The following WDR7 variants were observed in gnomAD, a reference collection of about 807,000 sequenced individuals.
WDR7 encodes the protein WD repeat-containing protein 7.
WDR7 carries 46 observed loss-of-function variants against 169.4 expected under a neutral mutation model. The observed-to-expected ratio is 0.27, with a 90% confidence interval of 0.21 to 0.35. The LOEUF is 0.35. WDR7 is among the 10% of genes least tolerant of loss of function. The pLI is 1.00. For missense variants in WDR7, 1,534 were observed against 1,859.3 expected, an observed-to-expected ratio of 0.83 and a Z score of 3.22; for synonymous variants, 612 against 666.8, an observed-to-expected ratio of 0.92 and a Z score of 1.27.
At chr18:56,977,956 T>A (rs987489972) in intron 26 of WDR7, among the ~76,000 whole-genome samples, 1 of 152,190 alleles carries the variant, frequency 6.6e-6, no homozygotes, top group African/African-American at 2.4e-5. Flanking sequence ...TAGTTGTAAA[T>A]CTACAAGGAC....
chr18:56,858,005 A>G (rs2045748778), intron 20 of WDR7, among the ~76,000 whole-genome samples: 1 of 151,938 alleles, frequency 6.6e-6, no homozygotes, highest in South Asian at 2.1e-4. Context: ...TGTTACACTC[A>G]TCATTACCTA....
intron 14 of WDR7, among the ~76,000 whole-genome samples, chr18:56,748,626 CTAGTT>C (rs1322796680): frequency 6.6e-6 from 1 of 152,030 alleles, no homozygotes; most frequent in African/African-American, 2.4e-5. Context: ...TCAAATGTCT[CTAGTT>C]TATGCTTATT....
At chr18:56,743,482 CAA>C (rs1475989008) in intron 14 of WDR7, among the ~76,000 whole-genome samples, 3 of 152,082 alleles carry the variant, frequency 2.0e-5, no homozygotes, top group Non-Finnish European at 4.4e-5. Context: ...CAGAGGGAAT[CAA>C]GAGTTTCAGG....
chr18:56,815,900 T>G, intron 19 of WDR7, 131 bp from the exon 20 acceptor site: 1 of 684,942 alleles, frequency 1.5e-6, no homozygotes, highest in Non-Finnish European at 2.4e-6. Context: ...GTGTCTCTAA[T>G]TTTGGTGAAC....
intron 21 of WDR7, among the ~76,000 whole-genome samples, chr18:56,890,293 G>C (rs2046247471): frequency 6.6e-6 from 1 of 152,100 alleles, no homozygotes; most frequent in African/African-American, 2.4e-5. Flanking sequence ...GTGCTGTTTG[G>C]TTTTTATTTT....
intron 19 of WDR7, among the ~76,000 whole-genome samples, chr18:56,796,059 A>G (rs9948192): frequency 0.026 from 4,021 of 152,324 alleles, 73 homozygotes; most frequent in African/African-American, 0.051. Context: ...AAATCACAAC[A>G]GTACCATTTA....
At chr18:56,927,676 C>G (rs2046826155) in intron 22 of WDR7, among the ~76,000 whole-genome samples, 1 of 152,116 alleles carries the variant, frequency 6.6e-6, no homozygotes, top group South Asian at 2.1e-4. Flanking sequence ...TGATATGCAA[C>G]TTTACATCTT....
At chr18:56,700,400 G>A (rs1430448562) in intron 12 of WDR7, among the ~76,000 whole-genome samples, 1 of 150,734 alleles carries the variant, frequency 6.6e-6, no homozygotes, top group Admixed American at 6.6e-5. Flanking sequence ...GGGAATAAAG[G>A]CATGTGCCAC....
chr18:56,766,643 G>T (rs748936241), intron 16 of WDR7, among the ~76,000 whole-genome samples: 34 of 151,934 alleles, frequency 2.2e-4, no homozygotes, highest in Admixed American at 2.0e-4. Flanking sequence ...TCCCTGTTTG[G>T]CCCCCTCAAA....
chr18:56,893,533 G>C (rs2046292830), intron 21 of WDR7, among the ~76,000 whole-genome samples: 1 of 152,002 alleles, frequency 6.6e-6, no homozygotes, highest in African/African-American at 2.4e-5. Context: ...TTAAGACTTT[G>C]TTGAATGGTA....
chr18:56,785,564 A>T (rs1340327940), intron 19 of WDR7, among the ~76,000 whole-genome samples: 9 of 152,182 alleles, frequency 5.9e-5, no homozygotes, highest in Non-Finnish European at 1.5e-5. Context: ...TCTTACCTGA[A>T]GAGCAGAATG....
In WDR7 at chr18:57,029,402, A is replaced by G. The variant is rs1392586455; in HGVS notation, c.*2195A>G. The G allele has an allele frequency of 1.3e-5, 2 of 152,220 alleles. No homozygotes were observed. Among genetic ancestry groups the G allele is most frequent in the African/African-American group, 2.4e-5 (1 of 41,444 alleles). The allele number at this position is 152,220 out of a possible 1,614,324, so 9.4% of individuals were successfully genotyped here. A position where few individuals can be genotyped will look rare whatever the true frequency, so the allele number is the denominator to read the frequency against. On this transcript the variant is annotated 3_prime_UTR_variant, in exon 28 of 28. Transcript: ENST00000254442. ...GGTCATCTCTAACTACTAAACTAAT[A>G]TCTGCATTCTTGTTAACATAAATCT...
intron 26 of WDR7, among the ~76,000 whole-genome samples, chr18:56,972,609 A>G (rs545030801): frequency 6.6e-6 from 1 of 152,290 alleles, no homozygotes; most frequent in South Asian, 2.1e-4. Flanking sequence ...GGAGAAGACA[A>G]TGGCTTCCTG....
rs1021924252 is a variant in WDR7 at position 57,029,153 on chromosome 18, G to A, written c.*1946G>A. The A allele has an allele frequency of 3.9e-5, 6 of 152,256 alleles. No individual in the cohort carries two copies. The highest frequency in any genetic ancestry group is 3.9e-4 in the East Asian group (2 of 5,158). The allele number at this position is 152,256 out of a possible 1,614,324, so 9.4% of individuals were successfully genotyped here. A position where few individuals can be genotyped will look rare whatever the true frequency, so the allele number is the denominator to read the frequency against. On this transcript the variant is annotated 3_prime_UTR_variant, in exon 28 of 28. Transcript: ENST00000254442. ...ATTTTCTTTAACAAAAATGTTCTGT[G>A]TGTCAGGAAAGAGGTGTGAGAGTGG...
At chr18:56,786,940 CCA>C (rs2044410253) in intron 19 of WDR7, among the ~76,000 whole-genome samples, 1 of 151,402 alleles carries the variant, frequency 6.6e-6, no homozygotes, top group East Asian at 2.0e-4. Flanking sequence ...GTGGCAAAAA[CCA>C]CAATTACTTT....
chr18:56,817,707 T>C (rs2045004119), intron 20 of WDR7, among the ~76,000 whole-genome samples: 1 of 152,146 alleles, frequency 6.6e-6, no homozygotes, highest in African/African-American at 2.4e-5. Flanking sequence ...ATTATAGAAT[T>C]TGTTTTGGTA....
intron 26 of WDR7, among the ~76,000 whole-genome samples, chr18:57,009,202 T>A (rs2048105723): frequency 6.6e-6 from 1 of 152,258 alleles, no homozygotes; most frequent in African/African-American, 2.4e-5. Context: ...AGTAGAAGGT[T>A]AATTTTATCT....
intron 20 of WDR7, among the ~76,000 whole-genome samples, chr18:56,851,274 C>T (rs963471075): frequency 7.2e-5 from 11 of 152,240 alleles, no homozygotes; most frequent in African/African-American, 2.4e-4. Context: ...ATGTCTTAGT[C>T]TTTCATTCTT....
Position 57,029,036 on chromosome 18 carries a change from C to T in WDR7, c.*1829C>T, listed in dbSNP as rs1372159717. ...GTGGGTCCAGAGTCTTCTCTATACC[C>T]AACATATGTTTACTTTATGAACTTA... On this transcript the variant is annotated 3_prime_UTR_variant, in exon 28 of 28. Coordinates refer to ENST00000254442, the MANE Select transcript of WDR7 (RefSeq NM_015285.3). The T allele has an allele frequency of 6.6e-6, 1 of 152,604 alleles. No homozygotes were observed. Among genetic ancestry groups the T allele is most frequent in the Non-Finnish European group, 1.5e-5 (1 of 68,044 alleles). 9.5% of individuals were successfully genotyped at this position (152,604 alleles called of 1,614,324 possible).
Sources: allele counts gnomAD v4.1 joint callset (sites outside exome capture counted in the v4.1 genomes callset), GRCh38; gene constraint gnomAD v4.1.1; transcripts MANE v1.5; gene names NCBI Gene and HGNC (gene_info 2026-07-23, HGNC 2026-07-21).